SEMA6D: variants seen among roughly 807,000 people sequenced by gnomAD.
SEMA6D encodes semaphorin 6D.
Under a neutral mutation model 106.6 loss-of-function variants are expected in SEMA6D, and 35 were observed. The ratio of observed to expected loss-of-function variants is 0.33; its 90% CI spans 0.25 to 0.44. The LOEUF (loss-of-function observed/expected upper bound fraction) is 0.44. Among genes scored for constraint, SEMA6D ranks in the 20% least tolerant of loss-of-function variants. The pLI, the probability that SEMA6D is intolerant of heterozygous loss-of-function variation, is 1.00. For missense variants in SEMA6D, 1,185 were observed against 1,345.9 expected, an observed-to-expected ratio of 0.88 and a Z score of 1.87; for synonymous variants, 499 against 487.7, an observed-to-expected ratio of 1.02 and a Z score of -0.31.
intron 4 of SEMA6D, among the ~76,000 whole-genome samples, chr15:47,687,501 G>A (rs2078494967): frequency 6.6e-6 from 1 of 152,152 alleles, no homozygotes; most frequent in Non-Finnish European, 1.5e-5. Flanking sequence ...CAGAGAAATA[G>A]ATATTCAAGG....
chr15:47,285,475 G>T (rs2035317921), intron 1 of SEMA6D, among the ~76,000 whole-genome samples: 1 of 150,708 alleles, frequency 6.6e-6, no homozygotes. Flanking sequence ...GAATATAGAT[G>T]TTTGAAAAAA....
intron 3 of SEMA6D, among the ~76,000 whole-genome samples, chr15:47,519,643 A>G (rs769706155): frequency 2.6e-5 from 4 of 152,220 alleles, no homozygotes; most frequent in Non-Finnish European, 5.9e-5. Context: ...CCAGGGATGT[A>G]GCTTCTGGCC....
At chr15:47,363,511 G>A (rs2145163864) in intron 1 of SEMA6D, among the ~76,000 whole-genome samples, 1 of 152,290 alleles carries the variant, frequency 6.6e-6, no homozygotes, top group Middle Eastern at 3.4e-3. Context: ...CAGGTGACAG[G>A]CCAGTGAAGC....
chr15:47,220,621 A>G (rs1443400908), intron 1 of SEMA6D, among the ~76,000 whole-genome samples: 2 of 152,190 alleles, frequency 1.3e-5, no homozygotes, highest in African/African-American at 4.8e-5. Flanking sequence ...ATTAAAAAAC[A>G]GTAAATTACC....
intron 4 of SEMA6D, among the ~76,000 whole-genome samples, chr15:47,609,000 A>G (rs2076837796): frequency 6.6e-6 from 1 of 152,344 alleles, no homozygotes; most frequent in East Asian, 1.9e-4. Flanking sequence ...TTTATAGAAA[A>G]CATTATAGGT....
At chr15:47,321,607 A>G (rs527699871) in intron 1 of SEMA6D, among the ~76,000 whole-genome samples, 6 of 152,314 alleles carry the variant, frequency 3.9e-5, no homozygotes, top group African/African-American at 1.4e-4. Context: ...AGTACAGATA[A>G]TATACATTTG....
chr15:47,429,698 C>T (rs2041460515), intron 2 of SEMA6D, among the ~76,000 whole-genome samples: 1 of 152,102 alleles, frequency 6.6e-6, no homozygotes, highest in African/African-American at 2.4e-5. Flanking sequence ...GGCCACTGTG[C>T]TCTGTCCTGT....
chr15:47,459,057 A>G (rs922341368), intron 2 of SEMA6D, among the ~76,000 whole-genome samples: 1 of 151,896 alleles, frequency 6.6e-6, no homozygotes, highest in Non-Finnish European at 1.5e-5. Context: ...ATGAGATGTC[A>G]TTCTTGTGAT....
At chr15:47,757,619 T>TTTTTG (rs745824173) in intron 1 of SEMA6D, among the ~76,000 whole-genome samples, 12 of 152,166 alleles carry the variant, frequency 7.9e-5, no homozygotes, top group Non-Finnish European at 1.2e-4. Flanking sequence ...GGTGATTGCT[T>TTTTTG]TTTTGTTTTG....
intron 1 of SEMA6D, among the ~76,000 whole-genome samples, chr15:47,317,624 A>G (rs1566993637): frequency 6.6e-6 from 1 of 152,188 alleles, no homozygotes; most frequent in Non-Finnish European, 1.5e-5. Flanking sequence ...TGCAGGGTAC[A>G]GAATTCTAAG....
At chr15:47,236,273 TCCTGGATAGCTTGATA>T (rs1379286311) in intron 1 of SEMA6D, among the ~76,000 whole-genome samples, 1 of 152,084 alleles carries the variant, frequency 6.6e-6, no homozygotes, top group Non-Finnish European at 1.5e-5. Context: ...ATCTCCCCTT[TCCTGGATAGCTTGATA>T]AATGGATCAC....
Position 47,470,427 on chromosome 15 carries a change from T to C in SEMA6D, c.-158-47T>C, listed in dbSNP as rs562703423. ...AGGTGACACATTTTCACAGCATTTG[T>C]AGCTATCCCAATATATTTTTGTTCT... On this transcript the variant is annotated intron_variant, in intron 2 of 19. Coordinates refer to the SEMA6D transcript ENST00000558014. 6.6e-5 allele frequency: 10 copies of C among 150,814 alleles called. No individual in the cohort carries two copies. In the South Asian group the frequency reaches 2.2e-3, roughly 32 times the overall value. The allele number at this position is 150,814 out of a possible 1,614,324, so 9.3% of individuals were successfully genotyped here. A position where few individuals can be genotyped will look rare whatever the true frequency, so the allele number is the denominator to read the frequency against.
At chr15:47,340,997 C>A (rs1339962138) in intron 1 of SEMA6D, among the ~76,000 whole-genome samples, 1 of 152,158 alleles carries the variant, frequency 6.6e-6, no homozygotes, top group Non-Finnish European at 1.5e-5. Context: ...GAACCCTTCA[C>A]ACAGAAAAGA....
intron 3 of SEMA6D, among the ~76,000 whole-genome samples, chr15:47,545,374 C>A (rs938984016): frequency 1.3e-5 from 2 of 152,120 alleles, no homozygotes; most frequent in African/African-American, 4.8e-5. Context: ...GATCAGATGA[C>A]CAATTACTAA....
intron 4 of SEMA6D, among the ~76,000 whole-genome samples, chr15:47,609,289 G>C (rs1388922971): frequency 1.3e-5 from 2 of 152,178 alleles, no homozygotes; most frequent in Non-Finnish European, 2.9e-5. Flanking sequence ...TAGAGGGAAG[G>C]ATATGAATGT....
chr15:47,226,420 A>C, intron 1 of SEMA6D, among the ~76,000 whole-genome samples: 1 of 152,110 alleles, frequency 6.6e-6, no homozygotes, highest in East Asian at 1.9e-4. Context: ...CCCGTCTAAA[A>C]CATAAACACA....
intron 4 of SEMA6D, among the ~76,000 whole-genome samples, chr15:47,649,764 A>C (rs1276413704): frequency 6.6e-6 from 1 of 152,240 alleles, no homozygotes; most frequent in African/African-American, 2.4e-5. Context: ...GTTCAATTTC[A>C]TAATAGAAGC....
intron 3 of SEMA6D, among the ~76,000 whole-genome samples, chr15:47,507,697 G>A (rs893864396): frequency 6.6e-6 from 1 of 152,264 alleles, no homozygotes; most frequent in South Asian, 2.1e-4. Context: ...TCATACTGTA[G>A]CTTGACAATT....
chr15:47,616,665 G>T (rs1274242721), intron 4 of SEMA6D, among the ~76,000 whole-genome samples: 2 of 152,066 alleles, frequency 1.3e-5, no homozygotes, highest in African/African-American at 4.8e-5. Context: ...TCTGTGAAAG[G>T]TTTGGCTACG....
Sources: gnomAD v4.1 joint callset for allele counts (sites outside exome capture counted in the v4.1 genomes callset) on GRCh38, gnomAD v4.1.1 for gene constraint, MANE v1.5 for transcripts, NCBI Gene and HGNC (gene_info 2026-07-23, HGNC 2026-07-21) for gene names.